Variants in KCNQ2 observed in about 807,000 individuals in gnomAD.
KCNQ2 encodes the protein potassium voltage-gated channel subfamily KQT member 2.
In KCNQ2, 14 loss-of-function variants were observed where a neutral mutation model predicts 84.8. That is an observed-to-expected ratio of 0.17 (90% CI 0.11 to 0.26). The LOEUF is 0.26. KCNQ2 is among the 10% of genes least tolerant of loss of function. The probability of loss-of-function intolerance (pLI) is 1.00; values close to 1 mark genes in which losing one functional copy is unlikely to be tolerated. For synonymous variants in KCNQ2, 599 were observed against 554.1 expected, an observed-to-expected ratio of 1.08 and a Z score of -1.14; for missense variants, 788 against 1,254.0, an observed-to-expected ratio of 0.63 and a Z score of 5.61.
chr20:63,445,399 C>A (rs770664097), intron 2 of KCNQ2, 35 bp from the exon 3 acceptor site: 6 of 1,610,822 alleles, frequency 3.7e-6, no homozygotes, highest in Middle Eastern at 1.7e-4. Flanking sequence ...ACCTTGAGGC[C>A]TGGGGGAGGG....
At chr20:63,415,268 G>T in intron 12 of KCNQ2, 142 bp from the exon 13 acceptor site, 1 of 784,056 alleles carries the variant, frequency 1.3e-6, no homozygotes, top group Non-Finnish European at 2.1e-6. Context: ...CAGCCACACG[G>T]GTGGCTCAGA....
intron 7 of KCNQ2, among the ~76,000 whole-genome samples, chr20:63,435,844 T>C (rs1450350037): frequency 6.6e-6 from 1 of 152,170 alleles, no homozygotes; most frequent in African/African-American, 2.4e-5. Context: ...AGAGCTTCCC[T>C]GCCCCTCCCT....
chr20:63,429,943 C>A (rs922658788), intron 9 of KCNQ2, among the ~76,000 whole-genome samples: 2 of 152,250 alleles, frequency 1.3e-5, no homozygotes, highest in African/African-American at 4.8e-5. Context: ...AGAGGACAGT[C>A]CGCTGTCCAA....
chr20:63,453,123 G>A (rs1426509166), intron 1 of KCNQ2, among the ~76,000 whole-genome samples: 12 of 151,948 alleles, frequency 7.9e-5, no homozygotes, highest in Admixed American at 7.2e-4. Flanking sequence ...GCCGCCCCGC[G>A]GTGGACGTCG....
At chr20:63,423,488 C>T (rs1326084819) in intron 11 of KCNQ2, 2 of 152,290 alleles carry the variant, frequency 1.3e-5, no homozygotes, top group Admixed American at 1.3e-4. Context: ...TCTTGATTTT[C>T]TCTGTCTCCA....
At chr20:63,409,323 G>A (rs1378237729) in intron 15 of KCNQ2, among the ~76,000 whole-genome samples, 3 of 152,226 alleles carry the variant, frequency 2.0e-5, no homozygotes, top group Non-Finnish European at 2.9e-5. Context: ...GTGTGTGCAT[G>A]TGTGTGTGTA....
rs562298681 is a variant in KCNQ2, at chr20:63,404,420, G to A, written c.*2224C>T. The A allele has an allele frequency of 1.0e-4, 15 of 150,188 alleles. No individual in the cohort carries two copies. The highest frequency in any genetic ancestry group is 2.2e-4 in the African/African-American group (9 of 40,070). 9.3% of individuals were successfully genotyped at this position (150,188 alleles called of 1,614,324 possible). A position where few individuals can be genotyped will look rare whatever the true frequency, so the allele number is the denominator to read the frequency against. Reference sequence around the variant, plus strand: ...AAGAGCAGGCGGGGCCACACCTGGCGGGGGAGGAAAGAGCAGGCGGGGTCA... The same window carrying A: ...AAGAGCAGGCGGGGCCACACCTGGCAGGGGAGGAAAGAGCAGGCGGGGTCA... On this transcript the variant is annotated 3_prime_UTR_variant, in exon 17 of 17. Coordinates refer to ENST00000359125, the MANE Select transcript of KCNQ2 (RefSeq NM_172107.4).
Position 63,406,304 on chromosome 20 carries a change from C to T in KCNQ2, c.*340G>A, listed in dbSNP as rs374546481. 100 of 295,038 alleles carry T rather than the reference C, an allele frequency of 3.4e-4. No individual in the cohort carries two copies. Among genetic ancestry groups the T allele is most frequent in the South Asian group, 2.9e-3 (55 of 19,080 alleles). 18.3% of individuals were successfully genotyped at this position (295,038 alleles called of 1,614,324 possible). On this transcript the variant is annotated 3_prime_UTR_variant, in exon 17 of 17. Coordinates refer to ENST00000359125, the MANE Select transcript of KCNQ2 (RefSeq NM_172107.4). ...GGCTGAGACAACCCCCCGCCTGTTGCCACGCTGGCAACACCCCGTCATCAC... is the reference window on the plus strand; with the variant it reads ...GGCTGAGACAACCCCCCGCCTGTTGTCACGCTGGCAACACCCCGTCATCAC...
intron 1 of KCNQ2, among the ~76,000 whole-genome samples, chr20:63,455,657 G>A (rs892379247): frequency 2.6e-5 from 4 of 152,062 alleles, no homozygotes; most frequent in Non-Finnish European, 4.4e-5. Context: ...AGTTAAGGCC[G>A]GACCACAGTC....
intron 11 of KCNQ2, among the ~76,000 whole-genome samples, chr20:63,420,297 G>A (rs1002268736): frequency 1.3e-5 from 2 of 152,220 alleles, no homozygotes; most frequent in African/African-American, 4.8e-5. Context: ...GCAGCTCCCC[G>A]CCGGGGCGTT....
chr20:63,465,033 G>T (rs747733713), intron 1 of KCNQ2, among the ~76,000 whole-genome samples: 1 of 152,176 alleles, frequency 6.6e-6, no homozygotes, highest in Non-Finnish European at 1.5e-5. Context: ...TGGAAATGTC[G>T]ACCCCAAAGC....
intron 1 of KCNQ2, among the ~76,000 whole-genome samples, chr20:63,467,460 G>A (rs1395205801): frequency 1.3e-5 from 2 of 152,156 alleles, no homozygotes; most frequent in Non-Finnish European, 2.9e-5. Flanking sequence ...GGCTAGCCTG[G>A]CTCCTCTACG....
chr20:63,423,701 G>A (rs3787122), intron 11 of KCNQ2: 31,700 of 157,788 alleles, frequency 0.2, 4,164 homozygotes, highest in Non-Finnish European at 0.3. Context: ...CTCGGAGGAC[G>A]AGGGGCCCTG....
At chr20:63,449,189 T>C in intron 1 of KCNQ2, 1 of 152,144 alleles carries the variant, frequency 6.6e-6, no homozygotes, top group Non-Finnish European at 1.5e-5. Flanking sequence ...TTAAGACACA[T>C]AATGTGAGCA....
intron 11 of KCNQ2, among the ~76,000 whole-genome samples, chr20:63,420,153 T>TG (rs1413101258): frequency 6.6e-6 from 1 of 152,144 alleles, no homozygotes; most frequent in Non-Finnish European, 1.5e-5. Flanking sequence ...GTCCCCCAGT[T>TG]GGAGGTGGGT....
chr20:63,444,634 CG>C, intron 4 of KCNQ2, 24 bp downstream of exon 4: 1 of 1,514,168 alleles, frequency 6.6e-7, no homozygotes, highest in South Asian at 1.2e-5. Context: ...GGGCGCCCAC[CG>C]CCAGCCTTGG....
rs562841196 is a variant in KCNQ2 at position 63,429,844 on chromosome 20, G to A, written c.1149-1409C>T. On this transcript the variant is annotated intron_variant, in intron 9 of 16. Coordinates refer to ENST00000359125, the MANE Select transcript of KCNQ2 (RefSeq NM_172107.4). ...TAGGCAGGTGTGAGCTGGTAAAGCC[G>A]TGCCTGGCCCCTCTTTGTTCCCTCT... Among the ~76,000 whole-genome samples the A allele has an allele frequency of 1.5e-4, 23 of 152,298 alleles. No homozygotes were observed. In the East Asian group the frequency reaches 4.4e-3, roughly 29 times the overall value.
chr20:63,435,896 A>AT lies in KCNQ2; in HGVS notation c.1024-1994_1024-1993insA, dbSNP rs56412525. On this transcript the variant is annotated intron_variant, in intron 7 of 16. Transcript: ENST00000359125. ...GCTCGCCACACTGGCTCATCTCTCGAGAGTCCCCCACCCTCTGGCCACAGT... is the reference window on the plus strand; with the variant it reads ...GCTCGCCACACTGGCTCATCTCTCGATGAGTCCCCCACCCTCTGGCCACAGT... 3.4e-3 allele frequency among the ~76,000 whole-genome samples: 497 copies of AT among 147,978 alleles called. 1 individual carries two copies. Among genetic ancestry groups the AT allele is most frequent in the Non-Finnish European group, 5.2e-3 (345 of 66,778 alleles).
rs191565325 is a variant in KCNQ2 at position 63,406,577 on chromosome 20, C to T, written c.*67G>A. ...TAAGAAAAGGGCCCCAGAGGGTTCC[C>T]GCCTCAAAACCTCGGAGGCACCGTG... On this transcript the variant is annotated 3_prime_UTR_variant, in exon 17 of 17. Coordinates refer to ENST00000359125, the MANE Select transcript of KCNQ2 (RefSeq NM_172107.4). 1.2e-4 allele frequency: 186 copies of T among 1,490,986 alleles called. No homozygotes were observed. The East Asian group carries it at 1.5e-3, about 12-fold the overall frequency. 92.4% of individuals were successfully genotyped at this position (1,490,986 alleles called of 1,614,324 possible).
Sources: allele counts gnomAD v4.1 joint callset (sites outside exome capture counted in the v4.1 genomes callset), GRCh38; gene constraint gnomAD v4.1.1; transcripts MANE v1.5; gene names NCBI Gene and HGNC (gene_info 2026-07-23, HGNC 2026-07-21).